Variants in RUNX1 observed in about 807,000 individuals in gnomAD.
RUNX1 encodes runt-related transcription factor 1.
A neutral mutation model predicts 42.8 loss-of-function variants in RUNX1; 19 were observed. That is an observed-to-expected ratio of 0.44 (90% CI 0.31 to 0.65). RUNX1 has a LOEUF of 0.65. Ranked by LOEUF, RUNX1 falls within the 30% of genes least tolerant of loss-of-function variation. The pLI is 0.07. For missense variants in RUNX1, 528 were observed against 672.0 expected (o/e 0.79, Z 2.37); for synonymous variants, 271 against 289.4 (o/e 0.94, Z 0.64).
chr21:34,977,354 A>G (rs1005535814), intron 2 of RUNX1, among the ~76,000 whole-genome samples: 2 of 152,240 alleles, frequency 1.3e-5, no homozygotes, highest in Non-Finnish European at 2.9e-5. Flanking sequence ...ATTTAGAGGA[A>G]AAAACTTACT....
intron 2 of RUNX1, among the ~76,000 whole-genome samples, chr21:35,014,699 T>C (rs1601674045): frequency 6.6e-6 from 1 of 152,232 alleles, no homozygotes; most frequent in African/African-American, 2.4e-5. Flanking sequence ...AAATCGGAGC[T>C]TCCTCCATGG....
At position 34,788,706 on chromosome 21, in the gene RUNX1, C is replaced by T. The variant is rs1376863292; in HGVS notation, c.*3429G>A. ...ATCAGCCTCATCAATACTGACCTGG[C>T]TAAAAACAAAATTCCCAACAAACAC... On this transcript the variant is annotated 3_prime_UTR_variant, in exon 9 of 9. Transcript: ENST00000675419. 1.7e-5 allele frequency: 4 copies of T among 233,346 alleles called. No individual in the cohort carries two copies. The highest frequency in any genetic ancestry group is 5.6e-5 in the Admixed American group (1 of 17,768). 14.5% of individuals were successfully genotyped at this position (233,346 alleles called of 1,614,324 possible).
At chr21:34,829,566 G>C (rs866105672) in intron 7 of RUNX1, among the ~76,000 whole-genome samples, 1 of 152,078 alleles carries the variant, frequency 6.6e-6, no homozygotes, top group Non-Finnish European at 1.5e-5. Flanking sequence ...ACTACACCTT[G>C]TTAAAAGCTA....
chr21:34,878,854 T>G (rs2057854558), intron 5 of RUNX1, among the ~76,000 whole-genome samples: 1 of 152,244 alleles, frequency 6.6e-6, no homozygotes, highest in South Asian at 2.1e-4. Flanking sequence ...AAGCCACTAC[T>G]GAACTTCTTG....
intron 2 of RUNX1, among the ~76,000 whole-genome samples, chr21:34,947,710 C>A (rs956547638): frequency 6.6e-6 from 1 of 152,186 alleles, no homozygotes; most frequent in African/African-American, 2.4e-5. Flanking sequence ...TCCACAGAAG[C>A]CTTTATTTTT....
chr21:35,022,860 A>G lies in RUNX1; in HGVS notation c.58+25982T>C, dbSNP rs2059208861. 2.0e-5 allele frequency among the ~76,000 whole-genome samples: 3 copies of G among 146,830 alleles called. No homozygotes were observed. In the South Asian group the frequency reaches 6.4e-4, roughly 31 times the overall value. On this transcript the variant is annotated intron_variant, in intron 2 of 8. Coordinates refer to ENST00000675419, the MANE Select transcript of RUNX1 (RefSeq NM_001754.5). ...CAGTGAGCCGAGATCGCGCCAGTGC[A>G]CTCCAGTCTGGGCAACATGAATGAT...
At chr21:34,992,013 G>C (rs1379220636) in intron 2 of RUNX1, among the ~76,000 whole-genome samples, 2 of 152,222 alleles carry the variant, frequency 1.3e-5, no homozygotes, top group Non-Finnish European at 2.9e-5. Context: ...CAGGGAGCAA[G>C]GGCCTGCCAA....
chr21:34,814,082 G>T (rs911170464), intron 7 of RUNX1, among the ~76,000 whole-genome samples: 1 of 152,180 alleles, frequency 6.6e-6, no homozygotes, highest in Non-Finnish European at 1.5e-5. Context: ...ACATTGTCCA[G>T]ATGGTTCTGG....
Position 34,871,032 on chromosome 21 carries a change from A to T in RUNX1, c.508+9525T>A, listed in dbSNP as rs372469626. On this transcript the variant is annotated intron_variant, in intron 5 of 8. Transcript: ENST00000675419. Reference sequence around the variant, plus strand: ...ACAGACCATGTATCAGGCATCATCTAATGTCACTCATGATACCACCTGGAG... The same window carrying T: ...ACAGACCATGTATCAGGCATCATCTTATGTCACTCATGATACCACCTGGAG... Among the ~76,000 whole-genome samples, 38 of 152,238 alleles carry T rather than the reference A, an allele frequency of 2.5e-4. 1 individual carries two copies. The South Asian group carries it at 7.5e-3, about 30-fold the overall frequency.
At chr21:34,984,464 G>A (rs980482899) in intron 2 of RUNX1, among the ~76,000 whole-genome samples, 2 of 152,144 alleles carry the variant, frequency 1.3e-5, no homozygotes, top group African/African-American at 2.4e-5. Flanking sequence ...ACTTATCTGT[G>A]GGGGAGGCCA....
At chr21:34,962,607 C>A (rs1192544758) in intron 2 of RUNX1, among the ~76,000 whole-genome samples, 1 of 152,188 alleles carries the variant, frequency 6.6e-6, no homozygotes, top group Non-Finnish European at 1.5e-5. Flanking sequence ...GCCACCCTGG[C>A]ATTTTGAGGC....
chr21:34,874,820 G>C (rs113106625), intron 5 of RUNX1, among the ~76,000 whole-genome samples: 1 of 152,092 alleles, frequency 6.6e-6, no homozygotes, highest in African/African-American at 2.4e-5. Context: ...GGTTGCAGCC[G>C]TTGGCTGGAT....
intron 3 of RUNX1, 156 bp from the exon 4 acceptor site, chr21:34,887,252 C>CGGGGGGGGGGGGGGGGGGG: frequency 7.2e-6 from 2 of 277,030 alleles, no homozygotes; most frequent in Non-Finnish European, 8.8e-6. Context: ...TGGGGGGGGG[C>CGGGGGGGGGGGGGGGGGGG]GGGGGTGGTT....
chr21:34,842,492 CA>C (rs371971118), intron 6 of RUNX1, among the ~76,000 whole-genome samples: 4 of 52,210 alleles, frequency 7.7e-5, no homozygotes, highest in African/African-American at 2.6e-4. Context: ...GAGACCTCTC[CA>C]AAAAAAAAAA....
intron 2 of RUNX1, among the ~76,000 whole-genome samples, chr21:34,945,635 T>C (rs1433257675): frequency 6.6e-6 from 1 of 152,220 alleles, no homozygotes; most frequent in African/African-American, 2.4e-5. Context: ...TGAAAAGCTC[T>C]CTATCCTTGG....
At chr21:34,934,453 C>T (rs556657033) in intron 2 of RUNX1, among the ~76,000 whole-genome samples, 1 of 152,210 alleles carries the variant, frequency 6.6e-6, no homozygotes, top group Admixed American at 6.5e-5. Context: ...CAAAGGGGAG[C>T]AGAATCCCTC....
At chr21:34,966,009 C>T (rs9976122) in intron 2 of RUNX1, among the ~76,000 whole-genome samples, 13,752 of 152,230 alleles carry the variant, frequency 0.09, 942 homozygotes, top group African/African-American at 0.18. Flanking sequence ...GAGCAGTCCC[C>T]TCCTGTGGGT....
chr21:34,916,432 A>G (rs1342477067), intron 2 of RUNX1, among the ~76,000 whole-genome samples: 1 of 152,204 alleles, frequency 6.6e-6, no homozygotes, highest in Non-Finnish European at 1.5e-5. Flanking sequence ...CACTGTTAAT[A>G]AATGCACAGT....
chr21:34,877,716 C>G (rs1216008250), intron 5 of RUNX1, among the ~76,000 whole-genome samples: 4 of 152,212 alleles, frequency 2.6e-5, no homozygotes, highest in Admixed American at 6.5e-5. Context: ...AGCTGTGATC[C>G]TGGATGGCAG....
Sources: gnomAD v4.1 joint callset for allele counts (sites outside exome capture counted in the v4.1 genomes callset) on GRCh38, gnomAD v4.1.1 for gene constraint, MANE v1.5 for transcripts, NCBI Gene and HGNC (gene_info 2026-07-23, HGNC 2026-07-21) for gene names.